DNMT3A: variants seen among roughly 807,000 people sequenced by gnomAD.
The protein encoded by DNMT3A is DNA (cytosine-5)-methyltransferase 3A.
In DNMT3A, 267 loss-of-function variants were observed where a neutral mutation model predicts 117.6. The observed-to-expected ratio is 2.27, with a 90% CI of 2.05 to 2.51. The LOEUF is 2.51. Among genes scored for constraint, DNMT3A ranks in the 30% most tolerant of loss-of-function variants. DNMT3A has a pLI of 0.00. For synonymous variants in DNMT3A, 432 were observed against 474.8 expected (o/e 0.91, Z 1.17); for missense variants, 1,029 against 1,260.2 (o/e 0.82, Z 2.78).
At chr2:25,256,738 C>A (rs1031036967) in intron 6 of DNMT3A, among the ~76,000 whole-genome samples, 25 of 151,730 alleles carry the variant, frequency 1.6e-4, no homozygotes, top group South Asian at 1.0e-3. Flanking sequence ...ATCTTCTACC[C>A]CATCCCTGCC....
At position 25,247,110 on chromosome 2, in the gene DNMT3A, G is replaced by A. The variant is rs1553413753; in HGVS notation, c.1063C>T (p.His355Tyr). ...MPLSSFCSAF[H>Y]QATYNKQPMY... Reference sequence around the variant, plus strand: ...GGCTGCTTGTTGTACGTGGCCTGGTGGAACGCACTGCAAAACGAGCTCAGC... The same window carrying A: ...GGCTGCTTGTTGTACGTGGCCTGGTAGAACGCACTGCAAAACGAGCTCAGC... Residue 355 changes from histidine to tyrosine, a missense_variant, in exon 9 of 23, where the codon CAC becomes TAC. Physicochemically the swap from His to Tyr is moderately conservative, Grantham distance 83. Coordinates refer to ENST00000321117, the MANE Select transcript of DNMT3A (RefSeq NM_022552.5). The surrounding 1 kb of genome is among the most constrained non-coding windows in gnomAD (Gnocchi z 5.6). 6.2e-7 allele frequency: 1 copy of A among 1,614,084 alleles called. No individual in the cohort carries two copies. The highest frequency in any genetic ancestry group is 8.5e-7 in the Non-Finnish European group (1 of 1,179,990).
Position 25,246,216 on chromosome 2 carries a change from C to CG in DNMT3A, c.1372dup (p.Arg458ProfsTer15). On this transcript the variant is annotated frameshift_variant, in exon 11 of 23. Coordinates refer to ENST00000321117, the MANE Select transcript of DNMT3A (RefSeq NM_022552.5). LOFTEE classifies it high-confidence loss of function. The stretch of plus-strand genomic sequence containing the variant: ...CTTGGGCTTCTCCGCTGTGCTCTTC[C>CG]GGGGCTTTTTGGCTGGTGGAGGTGG... 1 of 1,614,122 alleles carries CG rather than the reference C, an allele frequency of 6.2e-7. No homozygotes were observed. Among genetic ancestry groups the CG allele is most frequent in the Non-Finnish European group, 8.5e-7 (1 of 1,179,994 alleles).
chr2:25,257,545 C>G lies in DNMT3A; in HGVS notation c.640-9293G>C, dbSNP rs1386829206. On this transcript the variant is annotated intron_variant, in intron 6 of 22. Transcript: ENST00000321117. This position sits in a 1 kb window ranked among gnomAD's most constrained non-coding sequence, Gnocchi z 4.8. Reference sequence around the variant, plus strand: ...GCTTAGCCGGCATGACCAGGAAACACCCGCTTCCTGACAAGACTAGGCTGT... The same window carrying G: ...GCTTAGCCGGCATGACCAGGAAACAGCCGCTTCCTGACAAGACTAGGCTGT... 6.6e-6 allele frequency among the ~76,000 whole-genome samples: 1 copy of G among 152,150 alleles called. No individual in the cohort carries two copies. Among genetic ancestry groups the G allele is most frequent in the African/African-American group, 2.4e-5 (1 of 41,422 alleles).
At position 25,235,808 on chromosome 2, in the gene DNMT3A, G is replaced by C; in HGVS notation, c.2496C>G (p.Thr832=). 6.2e-7 allele frequency: 1 copy of C among 1,613,972 alleles called. No individual in the cohort carries two copies. Among genetic ancestry groups the C allele is most frequent in the Non-Finnish European group, 8.5e-7 (1 of 1,179,932 alleles). The part of the protein sequence containing the change: ...GRIAKFSKVR[T]ITTRSNSIKQ... Reference sequence around the variant, plus strand: ...TTATGGAGTTTGACCTCGTAGTAATGGTCCTCACTTTGCTGAACTAGATGA... The same window carrying C: ...TTATGGAGTTTGACCTCGTAGTAATCGTCCTCACTTTGCTGAACTAGATGA... Residue 832 remains threonine, a synonymous_variant, in exon 22 of 23, where the codon ACC becomes ACG. Transcript: ENST00000321117.
At chr2:25,299,723 G>A (rs1358762671) in intron 3 of DNMT3A, among the ~76,000 whole-genome samples, 1 of 152,210 alleles carries the variant, frequency 6.6e-6, no homozygotes. Context: ...TTGAGGTCAG[G>A]AGTTCGACAC....
chr2:25,278,720 G>C (rs917793292), intron 4 of DNMT3A, among the ~76,000 whole-genome samples: 3 of 152,152 alleles, frequency 2.0e-5, no homozygotes, highest in African/African-American at 7.2e-5. Flanking sequence ...CAGCTACTCC[G>C]GAGGCTGAGG....
At position 25,255,000 on chromosome 2, in the gene DNMT3A, T is replaced by G. The variant is rs1007938772; in HGVS notation, c.640-6748A>C. Among the ~76,000 whole-genome samples the G allele has an allele frequency of 1.3e-5, 2 of 152,226 alleles. No homozygotes were observed. The highest frequency in any genetic ancestry group is 4.8e-5 in the African/African-American group (2 of 41,450). Reference sequence around the variant, plus strand: ...ATCCTTTAACATTAAAGTCAAATCCTACCTCTTCCACACAACTTCCCAACA... The same window carrying G: ...ATCCTTTAACATTAAAGTCAAATCCGACCTCTTCCACACAACTTCCCAACA... On this transcript the variant is annotated intron_variant, in intron 6 of 22. Transcript: ENST00000321117. The surrounding 1 kb of genome is among the most constrained non-coding windows in gnomAD (Gnocchi z 4.7).
Position 25,300,719 on chromosome 2 carries a change from ATAT to A in DNMT3A, c.73-479_73-477del, listed in dbSNP as rs1466349833. Among the ~76,000 whole-genome samples the A allele has an allele frequency of 2.2e-3, 15 of 6,708 alleles. 1 individual carries two copies. The highest frequency in any genetic ancestry group is 7.7e-3 in the African/African-American group (15 of 1,936). 4.4% of individuals were successfully genotyped at this position (6,708 alleles called of 152,430 possible). A position where few individuals can be genotyped will look rare whatever the true frequency, so the allele number is the denominator to read the frequency against. On this transcript the variant is annotated intron_variant, in intron 2 of 22. Coordinates refer to ENST00000321117, the MANE Select transcript of DNMT3A (RefSeq NM_022552.5). ...TATATATCTAAATAATATAATATAT[ATAT>A]ATATATATATATATATATATATATA...
chr2:25,334,117 A>G (rs2035117839), intron 1 of DNMT3A, among the ~76,000 whole-genome samples: 1 of 152,126 alleles, frequency 6.6e-6, no homozygotes, highest in Non-Finnish European at 1.5e-5. Context: ...CCCATGTCCT[A>G]TTGAACAGGG....
intron 17 of DNMT3A, 91 bp from the exon 18 acceptor site, chr2:25,240,821 A>C (rs978190658): frequency 3.7e-6 from 5 of 1,345,472 alleles, no homozygotes; most frequent in Non-Finnish European, 5.3e-6. Flanking sequence ...TTGGCAAAGA[A>C]GTCCTTTGAC....
intron 2 of DNMT3A, among the ~76,000 whole-genome samples, chr2:25,302,352 T>C (rs2033565632): frequency 6.6e-6 from 1 of 152,126 alleles, no homozygotes; most frequent in African/African-American, 2.4e-5. Flanking sequence ...TCAAGAGCAC[T>C]GTCACTAAGC....
intron 4 of DNMT3A, among the ~76,000 whole-genome samples, chr2:25,280,791 C>A (rs188987342): frequency 3.7e-4 from 56 of 152,264 alleles, no homozygotes; most frequent in African/African-American, 9.4e-4. Flanking sequence ...GTTGACTGAT[C>A]GATGCAGGAG....
At chr2:25,235,853 A>G in intron 21 of DNMT3A, 28 bp from the exon 22 acceptor site, 1 of 1,592,206 alleles carries the variant, frequency 6.3e-7, no homozygotes, top group Non-Finnish European at 8.6e-7. Flanking sequence ...AAGAGGAATA[A>G]GCACGAATTC....
chr2:25,245,219 C>A, intron 13 of DNMT3A, 34 bp downstream of exon 13: 1 of 1,607,830 alleles, frequency 6.2e-7, no homozygotes, highest in Non-Finnish European at 8.5e-7. Context: ...GGGCCGGCCT[C>A]AACGGCACCT....
At chr2:25,335,334 C>A (rs1449705474) in intron 1 of DNMT3A, among the ~76,000 whole-genome samples, 1 of 152,234 alleles carries the variant, frequency 6.6e-6, no homozygotes, top group African/African-American at 2.4e-5. Context: ...GTTCTGCTCA[C>A]TGGGGTGCTG....
intron 1 of DNMT3A, among the ~76,000 whole-genome samples, chr2:25,334,166 G>T (rs1474393794): frequency 6.6e-6 from 1 of 152,212 alleles, no homozygotes; most frequent in Non-Finnish European, 1.5e-5. Context: ...AGGCACCCAT[G>T]GGTGGGGTGC....
Position 25,247,011 on chromosome 2 carries a change from C to T in DNMT3A, c.1122+40G>A, listed in dbSNP as rs1374029021. On this transcript the variant is annotated intron_variant, in intron 9 of 22. Coordinates refer to ENST00000321117, the MANE Select transcript of DNMT3A (RefSeq NM_022552.5). This position sits in a 1 kb window ranked among gnomAD's most constrained non-coding sequence, Gnocchi z 5.6. ...ACTCCAACTTCCAGGCCTCCTAGTG[C>T]TCTAGGCTCCTCCTCCGAGCTCCCA... The T allele has an allele frequency of 6.3e-7, 1 of 1,596,678 alleles. No homozygotes were observed. The highest frequency in any genetic ancestry group is 8.5e-7 in the Non-Finnish European group (1 of 1,170,836).
At chr2:25,333,289 C>T (rs1338945164) in intron 1 of DNMT3A, among the ~76,000 whole-genome samples, 3 of 151,632 alleles carry the variant, frequency 2.0e-5, no homozygotes, top group South Asian at 2.1e-4. Flanking sequence ...TTCCCCTCAC[C>T]GTGAGGGGCC....
At chr2:25,258,719 G>A (rs1676363391) in intron 6 of DNMT3A, among the ~76,000 whole-genome samples, 1 of 152,208 alleles carries the variant, frequency 6.6e-6, no homozygotes. Flanking sequence ...AGGCTCAAGG[G>A]AAGATGAAAG....
Sources: gnomAD v4.1 joint callset for allele counts (sites outside exome capture counted in the v4.1 genomes callset) on GRCh38, gnomAD v4.1.1 for gene constraint, Gnocchi (gnomAD v3.1) non-coding constraint, MANE v1.5 for transcripts, NCBI Gene and HGNC (gene_info 2026-07-23, HGNC 2026-07-21) for gene names.